The following GPD2 variants were observed in gnomAD, a reference collection of about 807,000 sequenced individuals.
GPD2 encodes glycerol-3-phosphate dehydrogenase, mitochondrial.
A neutral mutation model predicts 82.4 loss-of-function variants in GPD2; 54 were observed. The ratio of observed to expected loss-of-function variants is 0.66; its 90% CI spans 0.53 to 0.82. The LOEUF is 0.82. Among genes scored for constraint, GPD2 ranks in the 40% least tolerant of loss-of-function variants. GPD2 has a pLI of 0.00. For synonymous variants in GPD2, 288 were observed against 306.1 expected (o/e 0.94, Z 0.62); for missense variants, 748 against 896.2 (o/e 0.83, Z 2.11).
At chr2:156,464,805 A>G (rs1016827702) in intron 1 of GPD2, among the ~76,000 whole-genome samples, 1 of 152,148 alleles carries the variant, frequency 6.6e-6, no homozygotes, top group African/African-American at 2.4e-5. Flanking sequence ...TTCTAACGGC[A>G]TATAATGCAG....
At chr2:156,561,332 C>T (rs1303904527) in intron 9 of GPD2, among the ~76,000 whole-genome samples, 1 of 152,068 alleles carries the variant, frequency 6.6e-6, no homozygotes, top group Non-Finnish European at 1.5e-5. Flanking sequence ...AGGTGTGAGC[C>T]ACCGCGCCCA....
At chr2:156,452,338 G>T (rs1012845338) in intron 1 of GPD2, among the ~76,000 whole-genome samples, 6 of 152,256 alleles carry the variant, frequency 3.9e-5, no homozygotes, top group African/African-American at 7.2e-5. Flanking sequence ...GATCACTCGC[G>T]GTTAGGAGCT....
chr2:156,483,987 C>CTTTT (rs10610989), intron 2 of GPD2, among the ~76,000 whole-genome samples: 4 of 92,284 alleles, frequency 4.3e-5, no homozygotes, highest in African/African-American at 1.2e-4. Context: ...TGCTTGCTTG[C>CTTTT]TTTTTTTTTT....
the GPD2 span, among the ~76,000 whole-genome samples, chr2:156,418,308 T>C: frequency 6.6e-6 from 1 of 151,750 alleles, no homozygotes; most frequent in East Asian, 1.9e-4. Context: ...GAGAATTGCT[T>C]GAACCTGGGA....
At position 156,549,720 on chromosome 2, in the gene GPD2, C is replaced by G. The variant is rs768319989; in HGVS notation, c.774C>G (p.Pro258=). 2.5e-6 allele frequency: 4 copies of G among 1,614,028 alleles called. No homozygotes were observed. The highest frequency in any genetic ancestry group is 1.1e-5 in the South Asian group (1 of 91,080). The part of the protein sequence containing the change: ...EVVSLLKKTD[P]QTGKVRVSGA... The stretch of plus-strand genomic sequence containing the variant: ...TGAGCTTGCTCAAGAAGACAGACCC[C>G]CAGACAGGGAAAGTGCGTGTGAGCG... Residue 258 remains proline, a synonymous_variant, in exon 7 of 17, where the codon CCC becomes CCG. Transcript: ENST00000438166.
chr2:156,457,895 G>A (rs189705227), intron 1 of GPD2, among the ~76,000 whole-genome samples: 213 of 152,286 alleles, frequency 1.4e-3, no homozygotes, highest in African/African-American at 4.7e-3. Flanking sequence ...ATATTACCTC[G>A]AATTCTCAGT....
chr2:156,416,133 T>C, the GPD2 span, among the ~76,000 whole-genome samples: 2 of 152,004 alleles, frequency 1.3e-5, no homozygotes, highest in Non-Finnish European at 2.9e-5. Flanking sequence ...AGTAATATTC[T>C]ATCATATATG....
At chr2:156,403,367 G>A in the GPD2 span, among the ~76,000 whole-genome samples, 1 of 152,112 alleles carries the variant, frequency 6.6e-6, no homozygotes, top group Non-Finnish European at 1.5e-5. Context: ...GGAGTTTCTG[G>A]GAAAGATGAT....
rs1361903787 is a variant in GPD2, at chr2:156,463,189, T to C, written c.-8-12909T>C. Among the ~76,000 whole-genome samples, 9 of 152,216 alleles carry C rather than the reference T, an allele frequency of 5.9e-5. No individual in the cohort carries two copies. The East Asian group carries it at 1.7e-3, about 29-fold the overall frequency. On this transcript the variant is annotated intron_variant, in intron 1 of 16. Coordinates refer to ENST00000438166, the MANE Select transcript of GPD2 (RefSeq NM_000408.5). ...TGTACATATGGATGGCTGTAAGTCG[T>C]CAATAATTGAATTCATGGTTAATAT...
chr2:156,545,622 A>G (rs1397808146), intron 6 of GPD2, among the ~76,000 whole-genome samples: 1 of 152,234 alleles, frequency 6.6e-6, no homozygotes, highest in African/African-American at 2.4e-5. Flanking sequence ...TGTGATAAGC[A>G]TACCATTTAA....
At chr2:156,568,763 T>A (rs1687483218) in intron 9 of GPD2, 62 bp from the exon 10 acceptor site, 2 of 1,436,712 alleles carry the variant, frequency 1.4e-6, no homozygotes, top group South Asian at 2.3e-5. Context: ...ATTAACTGTT[T>A]AATATTTTTA....
intron 1 of GPD2, among the ~76,000 whole-genome samples, chr2:156,442,067 T>C (rs551099122): frequency 2.6e-5 from 4 of 152,348 alleles, no homozygotes; most frequent in South Asian, 2.1e-4. Flanking sequence ...TCAAGCCTTA[T>C]GTTTTTTGAA....
rs773345617 is a variant in GPD2, at chr2:156,557,501, A to G, written c.1084A>G (p.Thr362Ala). The G allele has an allele frequency of 6.3e-7, 1 of 1,596,656 alleles. No homozygotes were observed. The highest frequency in any genetic ancestry group is 8.6e-7 in the Non-Finnish European group (1 of 1,164,114). Residue 362 changes from threonine to alanine, a missense_variant, in exon 9 of 17, where the codon ACA becomes GCA. Physicochemically the swap from Thr to Ala is moderately conservative, Grantham distance 58. This residue lies in a region of GPD2 where 692 missense variants were observed against 809.7 expected (regional missense o/e 0.85). Transcript: ENST00000438166. ...AGTTDTPTDV[T>A]HHPIPSEEDI... is the part of the protein sequence containing the mutation. ...CACTACTGATACTCCAACTGATGTTACACACCATCCAATTCCTTCAGAAGA... is the reference window on the plus strand; with the variant it reads ...CACTACTGATACTCCAACTGATGTTGCACACCATCCAATTCCTTCAGAAGA...
chr2:156,538,181 C>T (rs986981079), intron 6 of GPD2, among the ~76,000 whole-genome samples: 1 of 152,188 alleles, frequency 6.6e-6, no homozygotes, highest in African/African-American at 2.4e-5. Flanking sequence ...TCTTCTGCCT[C>T]AGCATGTGAC....
chr2:156,436,156 AC>A (rs890305910), upstream of GPD2, among the ~76,000 whole-genome samples: 2 of 150,860 alleles, frequency 1.3e-5, no homozygotes, highest in African/African-American at 4.9e-5. Context: ...TCCCTCCCAC[AC>A]CCCCGCCAAC....
intron 4 of GPD2, among the ~76,000 whole-genome samples, chr2:156,511,362 C>G (rs896676560): frequency 3.9e-5 from 6 of 152,174 alleles, no homozygotes; most frequent in African/African-American, 1.4e-4. Context: ...CTGAGTCATG[C>G]TTTTCTTATG....
chr2:156,515,378 A>G (rs1685163286), intron 6 of GPD2, among the ~76,000 whole-genome samples: 1 of 152,122 alleles, frequency 6.6e-6, no homozygotes, highest in African/African-American at 2.4e-5. Flanking sequence ...ATTTCAAAAA[A>G]AAAAAAAGAA....
intron 1 of GPD2, among the ~76,000 whole-genome samples, chr2:156,472,399 C>T (rs890885256): frequency 6.6e-6 from 1 of 152,156 alleles, no homozygotes; most frequent in Non-Finnish European, 1.5e-5. Flanking sequence ...CGGCTCACTG[C>T]AGTCTCCGCC....
At chr2:156,523,417 C>T (rs1573959950) in intron 6 of GPD2, among the ~76,000 whole-genome samples, 1 of 152,000 alleles carries the variant, frequency 6.6e-6, no homozygotes, top group South Asian at 2.1e-4. Context: ...CAAAGGCTAT[C>T]CAATTTTATT....
Sources: allele counts gnomAD v4.1 joint callset (sites outside exome capture counted in the v4.1 genomes callset), GRCh38; gene constraint gnomAD v4.1.1; regional missense constraint gnomAD v4.1.1; transcripts MANE v1.5; gene names NCBI Gene and HGNC (gene_info 2026-07-23, HGNC 2026-07-21).